The following ZFYVE16 variants were observed in gnomAD, a reference collection of about 807,000 sequenced individuals.
ZFYVE16 encodes zinc finger FYVE-type containing 16.
In ZFYVE16, 89 loss-of-function variants were observed where a neutral mutation model predicts 138.1. That is an observed-to-expected ratio of 0.64 (90% CI 0.54 to 0.77). The LOEUF (loss-of-function observed/expected upper bound fraction) is 0.77. Ranked by LOEUF, ZFYVE16 falls within the 30% of genes least tolerant of loss-of-function variation. ZFYVE16 has a pLI of 0.00. For synonymous variants in ZFYVE16, 596 were observed against 618.3 expected (o/e 0.96, Z 0.53); for missense variants, 1,793 against 1,786.7 (o/e 1.00, Z -0.06).
chr5:80,465,703 C>T (rs1753679939), intron 15 of ZFYVE16, among the ~76,000 whole-genome samples: 1 of 150,282 alleles, frequency 6.7e-6, no homozygotes, highest in South Asian at 2.1e-4. Context: ...GCCACTGTGC[C>T]TGGCCTCTAC....
intron 1 of ZFYVE16, chr5:80,409,630 T>C (rs369507717): frequency 6.6e-6 from 1 of 152,234 alleles, no homozygotes; most frequent in Non-Finnish European, 1.5e-5. Flanking sequence ...TGTCTGGCAT[T>C]ATAGAAGACA....
At chr5:80,459,378 A>G (rs376276360) in intron 14 of ZFYVE16, 36 bp from the exon 15 acceptor site, 29 of 1,568,632 alleles carry the variant, frequency 1.8e-5, no homozygotes, top group Non-Finnish European at 2.4e-5. Flanking sequence ...AAAAATGAGC[A>G]GTTTAAAACA....
chr5:80,438,734 C>T lies in ZFYVE16; in HGVS notation c.2049C>T (p.Thr683=), dbSNP rs200360319. 9.3e-6 allele frequency: 15 copies of T among 1,613,980 alleles called. No individual in the cohort carries two copies. The African/African-American group carries it at 1.1e-4, about 11-fold the overall frequency. ...AAAGTGAACCCAGCACAGCAGATAC[C>T]GTTGTTCCAATCACTTGTGCTATAG... The part of the protein sequence containing the change: ...TIESEPSTAD[T]VVPITCAIDS... The change falls in exon 4 of 19, where the codon ACC becomes ACT. Residue 683 remains threonine, a synonymous_variant. Coordinates refer to ENST00000505560, the MANE Select transcript of ZFYVE16 (RefSeq NM_001284236.3).
intron 7 of ZFYVE16, among the ~76,000 whole-genome samples, chr5:80,446,014 G>C (rs1186091927): frequency 6.6e-6 from 1 of 151,010 alleles, no homozygotes; most frequent in Non-Finnish European, 1.5e-5. Flanking sequence ...TCCTGCCTCA[G>C]CCTCCGGAGT....
rs1554037114 is a variant in ZFYVE16 at position 80,419,077 on chromosome 5, T to TG, written c.-93-8409dup. On this transcript the variant is annotated intron_variant, in intron 1 of 18. Coordinates refer to ENST00000505560, the MANE Select transcript of ZFYVE16 (RefSeq NM_001284236.3). ...AAGATCGGTGTGGGTTTTTTTTTTT[T>TG]GGGGGGTCTTTTTTTTTTTATGCAG... Among the ~76,000 whole-genome samples the TG allele has an allele frequency of 5.8e-3, 874 of 150,376 alleles. 11 individuals are homozygous for TG. Among genetic ancestry groups the TG allele is most frequent in the African/African-American group, 0.02 (808 of 40,776 alleles).
chr5:80,473,653 C>G, intron 16 of ZFYVE16, 101 bp from the exon 17 acceptor site: 1 of 738,038 alleles, frequency 1.4e-6, no homozygotes, highest in Non-Finnish European at 2.1e-6. Context: ...GACATATCTT[C>G]TTTTATATTT....
rs1006197764 is a variant in ZFYVE16, at chr5:80,483,214, G to A, written c.*5837G>A. 2.6e-5 allele frequency: 4 copies of A among 152,174 alleles called. No individual in the cohort carries two copies. The highest frequency in any genetic ancestry group is 5.9e-5 in the Non-Finnish European group (4 of 68,026). 9.4% of individuals were successfully genotyped at this position (152,174 alleles called of 1,614,324 possible). On this transcript the variant is annotated 3_prime_UTR_variant, in exon 19 of 19. Coordinates refer to ENST00000505560, the MANE Select transcript of ZFYVE16 (RefSeq NM_001284236.3). ...AGAAGGAAAGCTAAAATAATTCATTGCTAGTAGTCCTCCTTTAACAGAAAT... is the reference window on the plus strand; with the variant it reads ...AGAAGGAAAGCTAAAATAATTCATTACTAGTAGTCCTCCTTTAACAGAAAT...
At chr5:80,457,166 T>C (rs1481016637) in intron 14 of ZFYVE16, 74 bp downstream of exon 14, 5 of 1,543,544 alleles carry the variant, frequency 3.2e-6, no homozygotes, top group Non-Finnish European at 4.4e-6. Context: ...AGGGGAAATA[T>C]ATGTATATTT....
chr5:80,480,681 T>C lies in ZFYVE16; in HGVS notation c.*3304T>C, dbSNP rs1053905629. Among the ~76,000 whole-genome samples the C allele has an allele frequency of 1.1e-4, 17 of 152,210 alleles. No individual in the cohort carries two copies. The highest frequency in any genetic ancestry group is 2.5e-4 in the Non-Finnish European group (17 of 68,006). On this transcript the variant is annotated 3_prime_UTR_variant, in exon 19 of 19. Coordinates refer to ENST00000505560, the MANE Select transcript of ZFYVE16 (RefSeq NM_001284236.3). The stretch of plus-strand genomic sequence containing the variant: ...GGCTCACACCTGTAATCGAGCACTT[T>C]GGGAGGCCAAGGCAGGAGGATCACT...
At chr5:80,435,433 T>G (rs1749754745) in intron 3 of ZFYVE16, among the ~76,000 whole-genome samples, 1 of 152,132 alleles carries the variant, frequency 6.6e-6, no homozygotes, top group Admixed American at 6.5e-5. Context: ...CCTCCCAAAG[T>G]GCTGGGATGA....
At position 80,450,589 on chromosome 5, in the gene ZFYVE16, A is replaced by G. The variant is rs1751883259; in HGVS notation, c.3382+3A>G. On this transcript the variant is annotated splice_donor_region_variant and intron_variant, in intron 10 of 18. Coordinates refer to ENST00000505560, the MANE Select transcript of ZFYVE16 (RefSeq NM_001284236.3). ...CATATATAAGGATGCTCTAAAAGGT[A>G]TGGCATTTTATTTTGAACTGTTCAG... 6.2e-7 allele frequency: 1 copy of G among 1,612,540 alleles called. No individual in the cohort carries two copies. Among genetic ancestry groups the G allele is most frequent in the Non-Finnish European group, 8.5e-7 (1 of 1,179,358 alleles).
intron 7 of ZFYVE16, among the ~76,000 whole-genome samples, chr5:80,445,966 G>C (rs539872032): frequency 6.6e-6 from 1 of 150,394 alleles, no homozygotes; most frequent in African/African-American, 2.5e-5. Flanking sequence ...TGCGATTTCA[G>C]CTCACTGCAA....
chr5:80,418,358 G>C (rs1580097680), intron 1 of ZFYVE16, among the ~76,000 whole-genome samples: 2 of 137,304 alleles, frequency 1.5e-5, no homozygotes, highest in South Asian at 5.1e-4. Context: ...TGTTGCCTAG[G>C]CTGGAGTGCA....
In ZFYVE16 at chr5:80,438,453, C is replaced by T; in HGVS notation, c.1768C>T (p.His590Tyr). The change falls in exon 4 of 19, where the codon CAT (histidine) becomes TAT (tyrosine). Residue 590 changes from histidine (H) to tyrosine (Y), a missense_variant. This residue lies in a region of ZFYVE16 where 1,295 missense variants were observed against 1,204.3 expected (regional missense o/e 1.08). Coordinates refer to ENST00000505560, the MANE Select transcript of ZFYVE16 (RefSeq NM_001284236.3). ...AGAAGCAGGAGCTATTGGGGAAAGT[C>T]ATGGTATTAATATAATTTGTGAAAT... ...NAEAGAIGES[H>Y]GINIICEIVD... 1 of 1,613,758 alleles carries T rather than the reference C, an allele frequency of 6.2e-7. No individual in the cohort carries two copies. The highest frequency in any genetic ancestry group is 8.5e-7 in the Non-Finnish European group (1 of 1,179,850).
At position 80,438,613 on chromosome 5, in the gene ZFYVE16, C is replaced by G. The variant is rs895184838; in HGVS notation, c.1928C>G (p.Ser643Cys). 9.3e-6 allele frequency: 15 copies of G among 1,613,988 alleles called. No homozygotes were observed. Among genetic ancestry groups the G allele is most frequent in the Middle Eastern group, 1.6e-4 (1 of 6,084 alleles). The change falls in exon 4 of 19, where the codon TCT (serine) becomes TGT (cysteine). Residue 643 changes from serine (S) to cysteine (C), a missense_variant. By Grantham distance (112) the Ser-to-Cys change is moderately radical (BLOSUM62 -1). Around this residue, in one of 2 missense-constraint regions of ZFYVE16, gnomAD observed 1,295 missense variants for 1,204.3 expected, o/e 1.08. Coordinates refer to ENST00000505560, the MANE Select transcript of ZFYVE16 (RefSeq NM_001284236.3). ...QLSVSDINSQ[S>C]VGGARPKQLF... is the part of the protein sequence containing the mutation. The stretch of plus-strand genomic sequence containing the variant: ...TCGGTCTCTGATATTAACAGTCAAT[C>G]TGTTGGAGGGGCCAGACCTAAGCAA...
chr5:80,429,606 A>T (rs1748677194), intron 2 of ZFYVE16, among the ~76,000 whole-genome samples: 1 of 152,214 alleles, frequency 6.6e-6, no homozygotes, highest in South Asian at 2.1e-4. Context: ...TAACAATATG[A>T]ACCTTAAATG....
intron 7 of ZFYVE16, among the ~76,000 whole-genome samples, chr5:80,445,722 G>T (rs544600289): frequency 1.3e-5 from 2 of 150,410 alleles, no homozygotes; most frequent in Non-Finnish European, 3.0e-5. Context: ...CACCATGCCT[G>T]GTTTAGACTT....
At chr5:80,445,476 A>G in intron 7 of ZFYVE16, 71 bp downstream of exon 7, 3 of 1,300,736 alleles carry the variant, frequency 2.3e-6, no homozygotes, top group African/African-American at 1.6e-5. Flanking sequence ...TGGTGTGATT[A>G]TTAGAGTGCT....
At chr5:80,431,166 G>A (rs1748956407) in intron 2 of ZFYVE16, among the ~76,000 whole-genome samples, 1 of 152,198 alleles carries the variant, frequency 6.6e-6, no homozygotes, top group Non-Finnish European at 1.5e-5. Context: ...TATCCCTGAT[G>A]AACATTGCTG....
Sources: allele counts gnomAD v4.1 joint callset (sites outside exome capture counted in the v4.1 genomes callset), GRCh38; gene constraint gnomAD v4.1.1; regional missense constraint gnomAD v4.1.1; transcripts MANE v1.5; gene names NCBI Gene and HGNC (gene_info 2026-07-23, HGNC 2026-07-21).